The following RIMBP2 variants were observed in gnomAD, a reference collection of about 807,000 sequenced individuals.
RIMBP2 encodes RIMS-binding protein 2.
RIMBP2 carries 48 observed loss-of-function variants against 118.6 expected under a neutral mutation model. That is an observed-to-expected ratio of 0.40 (90% CI 0.32 to 0.51). The LOEUF (loss-of-function observed/expected upper bound fraction) is 0.51. Ranked by LOEUF, RIMBP2 falls within the 20% of genes least tolerant of loss-of-function variation. RIMBP2 has a pLI of 0.41. For synonymous variants in RIMBP2, 762 were observed against 742.9 expected (o/e 1.03, Z -0.42); for missense variants, 1,551 against 1,768.3 (o/e 0.88, Z 2.20).
At chr12:130,397,746 G>A (rs2074172736) in intron 22 of RIMBP2, 197 bp from the exon 23 acceptor site, 2 of 375,894 alleles carry the variant, frequency 5.3e-6, no homozygotes, top group East Asian at 7.6e-5. Flanking sequence ...ACATAAATGT[G>A]TGGGTTCCGT....
chr12:130,705,780 G>A (rs78620816), intron 1 of RIMBP2, among the ~76,000 whole-genome samples: 4,986 of 152,312 alleles, frequency 0.033, 287 homozygotes, highest in African/African-American at 0.11. Context: ...CAAGGCAAAC[G>A]CCCACCAATG....
intron 2 of RIMBP2, among the ~76,000 whole-genome samples, chr12:130,567,102 G>A (rs1289844690): frequency 6.6e-6 from 1 of 152,180 alleles, no homozygotes; most frequent in African/African-American, 2.4e-5. Context: ...CAAACTCAGG[G>A]AAAGTCAAAT....
At chr12:130,615,117 A>T (rs1453319011) in intron 2 of RIMBP2, among the ~76,000 whole-genome samples, 3 of 147,428 alleles carry the variant, frequency 2.0e-5, no homozygotes, top group Non-Finnish European at 4.5e-5. Flanking sequence ...GTATATATAC[A>T]TATGTGTATT....
chr12:130,627,113 C>A (rs1454978586), intron 2 of RIMBP2, among the ~76,000 whole-genome samples: 1 of 152,172 alleles, frequency 6.6e-6, no homozygotes, highest in African/African-American at 2.4e-5. Context: ...ACAACTACCG[C>A]CAGCATCATC....
At chr12:130,603,454 T>C (rs994387908) in intron 2 of RIMBP2, among the ~76,000 whole-genome samples, 2 of 152,148 alleles carry the variant, frequency 1.3e-5, no homozygotes, top group Non-Finnish European at 2.9e-5. Context: ...TAAGGAAAAT[T>C]TGTCAGCCCC....
intron 11 of RIMBP2, among the ~76,000 whole-genome samples, chr12:130,439,582 G>A (rs1315747499): frequency 1.8e-5 from 2 of 108,880 alleles, no homozygotes; most frequent in Non-Finnish European, 3.6e-5. Flanking sequence ...TGGGTCTGTG[G>A]GGGTATGTGT....
intron 21 of RIMBP2, among the ~76,000 whole-genome samples, chr12:130,401,375 C>T (rs1371733296): frequency 6.6e-6 from 1 of 152,120 alleles, no homozygotes; most frequent in East Asian, 1.9e-4. Context: ...CTCAGCCTTC[C>T]AAAGTGCTGG....
At chr12:130,696,911 G>A (rs558267943) in intron 1 of RIMBP2, among the ~76,000 whole-genome samples, 3 of 152,282 alleles carry the variant, frequency 2.0e-5, no homozygotes, top group South Asian at 2.1e-4. Context: ...GGAAGCAGCC[G>A]AGCATGTTTT....
chr12:130,579,940 C>T (rs11061006), intron 2 of RIMBP2, among the ~76,000 whole-genome samples: 1 of 148,980 alleles, frequency 6.7e-6, no homozygotes, highest in African/African-American at 2.5e-5. Flanking sequence ...AATATTCAGT[C>T]TGGGAAGGCG....
chr12:130,582,564 G>A (rs758754559), intron 2 of RIMBP2, among the ~76,000 whole-genome samples: 12 of 152,246 alleles, frequency 7.9e-5, no homozygotes, highest in Non-Finnish European at 1.5e-4. Context: ...CTGCTGGCCA[G>A]CTTAGAGATG....
intron 14 of RIMBP2, among the ~76,000 whole-genome samples, chr12:130,432,476 C>T (rs1162160588): frequency 6.6e-6 from 1 of 152,080 alleles, no homozygotes. Context: ...AGTTGTATTT[C>T]CCCACCCCAC....
chr12:130,438,335 A>ACCGGGGGGGCCCCCCCCCCCCCCCCACC, intron 12 of RIMBP2, 30 bp downstream of exon 12: 1 of 865,014 alleles, frequency 1.2e-6, no homozygotes, highest in Non-Finnish European at 1.9e-6. Context: ...GGCCTAACAA[A>ACCGGGGGGGCCCCCCCCCCCCCCCCACC]CCCTCCCCAC....
intron 4 of RIMBP2, among the ~76,000 whole-genome samples, chr12:130,485,707 G>C: frequency 6.6e-6 from 1 of 152,204 alleles, no homozygotes; most frequent in Non-Finnish European, 1.5e-5. Flanking sequence ...GGACTCGCTA[G>C]GTAGATTCAC....
In RIMBP2 at chr12:130,525,996, G is replaced by A. The variant is rs926907470; in HGVS notation, c.-216-8079C>T. On this transcript the variant is annotated intron_variant, in intron 2 of 22. Coordinates refer to ENST00000690449, the MANE Select transcript of RIMBP2 (RefSeq NM_001393629.1). The surrounding 1 kb of genome is among the most constrained non-coding windows in gnomAD (Gnocchi z 4.4). ...TCAGGTTTGAGACCCCCTCCTCCCT[G>A]CCCCAATTTGCCTCTTATTCTCCTG... 7.9e-5 allele frequency among the ~76,000 whole-genome samples: 12 copies of A among 152,126 alleles called. No individual in the cohort carries two copies. The highest frequency in any genetic ancestry group is 2.9e-4 in the African/African-American group (12 of 41,508).
chr12:130,451,158 C>G (rs767623433), intron 8 of RIMBP2, 37 bp downstream of exon 8: 3 of 1,604,176 alleles, frequency 1.9e-6, no homozygotes, highest in Non-Finnish European at 1.7e-6. Flanking sequence ...ACACACAGCA[C>G]AGGCAGCCCC....
At chr12:130,709,640 A>G (rs965833631) in intron 1 of RIMBP2, among the ~76,000 whole-genome samples, 6 of 152,176 alleles carry the variant, frequency 3.9e-5, no homozygotes. Flanking sequence ...TCTCCGTCCA[A>G]GGAGGTACAG....
chr12:130,515,680 CTATT>C (rs34801560), intron 3 of RIMBP2, among the ~76,000 whole-genome samples: 7,832 of 150,774 alleles, frequency 0.052, 266 homozygotes, highest in South Asian at 0.16. Context: ...GTACATATAT[CTATT>C]TGAGACCCTC....
intron 1 of RIMBP2, among the ~76,000 whole-genome samples, chr12:130,700,806 C>G (rs912091226): frequency 6.6e-6 from 1 of 152,234 alleles, no homozygotes; most frequent in Non-Finnish European, 1.5e-5. Flanking sequence ...AAATTCCAAA[C>G]GTTCCATCAC....
At chr12:130,456,080 G>A (rs555485846) in intron 7 of RIMBP2, among the ~76,000 whole-genome samples, 3 of 152,180 alleles carry the variant, frequency 2.0e-5, no homozygotes, top group Admixed American at 6.5e-5. Context: ...GAAAAACAAC[G>A]AACACAGAGA....
Sources: allele counts gnomAD v4.1 joint callset (sites outside exome capture counted in the v4.1 genomes callset), GRCh38; gene constraint gnomAD v4.1.1; non-coding constraint Gnocchi (gnomAD v3.1); transcripts MANE v1.5; gene names NCBI Gene and HGNC (gene_info 2026-07-23, HGNC 2026-07-21).